SARDH: variants seen among roughly 807,000 people sequenced by gnomAD.
The protein encoded by SARDH is sarcosine dehydrogenase, mitochondrial.
Under a neutral mutation model 109.1 loss-of-function variants are expected in SARDH, and 95 were observed. The observed-to-expected ratio is 0.87, with a 90% CI of 0.74 to 1.03. The LOEUF (loss-of-function observed/expected upper bound fraction) is 1.03. Among genes scored for constraint, SARDH ranks in the 50% least tolerant of loss-of-function variants. The pLI, the probability that SARDH is intolerant of heterozygous loss-of-function variation, is 0.00. For missense variants in SARDH, 1,267 were observed against 1,287.8 expected (o/e 0.98, Z 0.25); for synonymous variants, 572 against 534.8 (o/e 1.07, Z -0.96).
intron 3 of SARDH, 107 bp downstream of exon 3, chr9:133,732,316 A>C: frequency 1.3e-5 from 7 of 559,780 alleles, no homozygotes; most frequent in Non-Finnish European, 1.4e-5. Context: ...CCTCACAGGG[A>C]GCCCACCCTA....
At chr9:133,726,486 C>G (rs1036088226) in intron 6 of SARDH, among the ~76,000 whole-genome samples, 3 of 152,038 alleles carry the variant, frequency 2.0e-5, no homozygotes, top group Non-Finnish European at 2.9e-5. Flanking sequence ...TAGAGCAGGA[C>G]AGTGGGGACA....
At chr9:133,717,611 C>G (rs1310142270) in intron 7 of SARDH, among the ~76,000 whole-genome samples, 156 bp from the exon 8 acceptor site, 3 of 152,082 alleles carry the variant, frequency 2.0e-5, no homozygotes, top group African/African-American at 4.8e-5. Flanking sequence ...CGTTTGTCTC[C>G]CCCACCCACC....
intron 6 of SARDH, among the ~76,000 whole-genome samples, chr9:133,722,637 C>T (rs572094522): frequency 7.2e-6 from 1 of 138,914 alleles, no homozygotes; most frequent in Non-Finnish European, 1.5e-5. Context: ...TAAAAAACTA[C>T]TAGCGCTCTC....
intron 19 of SARDH, among the ~76,000 whole-genome samples, chr9:133,668,316 C>CT (rs1281134341): frequency 5.6e-4 from 52 of 92,572 alleles, no homozygotes; most frequent in African/African-American, 1.8e-3. Context: ...TCCCTCTCCC[C>CT]CACCCTCCCT....
intron 1 of SARDH, among the ~76,000 whole-genome samples, chr9:133,735,078 C>G (rs553517084): frequency 1.2e-4 from 18 of 152,260 alleles, no homozygotes; most frequent in Admixed American, 9.8e-4. Context: ...ATCGTGGATG[C>G]TACAGCAGTG....
intron 6 of SARDH, among the ~76,000 whole-genome samples, chr9:133,721,010 A>G (rs959994612): frequency 6.6e-6 from 1 of 152,166 alleles, no homozygotes; most frequent in Non-Finnish European, 1.5e-5. Context: ...TCAGGAGTGG[A>G]AAAAAAATAA....
rs770565593 is a variant in SARDH, at chr9:133,734,103, C to T, written c.71G>A (p.Gly24Glu). Residue 24 changes from glycine to glutamate, a missense_variant, in exon 2 of 21, where the codon GGG becomes GAG. Gly to Glu is a moderately conservative substitution (Grantham distance 98, BLOSUM62 -2). Transcript: ENST00000439388. ...HPRQSPTRGM[G>E]PCNLSSAAGP... Reference sequence around the variant, plus strand: ...AGCTGCGCTGGACAGGTTGCATGGCCCCATGCCCCGGGTAGGGCTCTGGCG... The same window carrying T: ...AGCTGCGCTGGACAGGTTGCATGGCTCCATGCCCCGGGTAGGGCTCTGGCG... 10 of 1,612,364 alleles carry T rather than the reference C, an allele frequency of 6.2e-6. No homozygotes were observed. The highest frequency in any genetic ancestry group is 1.7e-4 in the Middle Eastern group (1 of 6,056).
intron 6 of SARDH, among the ~76,000 whole-genome samples, chr9:133,720,218 G>C (rs142102138): frequency 0.011 from 1,644 of 152,076 alleles, 18 homozygotes; most frequent in Non-Finnish European, 0.016. Context: ...CCTGAGGTCA[G>C]GAGTTCAAAA....
chr9:133,690,984 A>G, intron 15 of SARDH, among the ~76,000 whole-genome samples: 1 of 152,184 alleles, frequency 6.6e-6, no homozygotes, highest in Admixed American at 6.5e-5. Context: ...GAGACCTCTC[A>G]GGGCCCCAGG....
intron 16 of SARDH, among the ~76,000 whole-genome samples, chr9:133,689,421 G>A (rs1280674749): frequency 6.6e-6 from 1 of 151,960 alleles, no homozygotes; most frequent in East Asian, 1.9e-4. Flanking sequence ...GTGGGGGAGG[G>A]TCACCAATGG....
intron 16 of SARDH, among the ~76,000 whole-genome samples, chr9:133,688,134 GC>G (rs1830951251): frequency 1.3e-5 from 2 of 152,318 alleles, no homozygotes; most frequent in Non-Finnish European, 2.9e-5. Context: ...CAAGGACCAG[GC>G]CTTGACACCC....
intron 6 of SARDH, among the ~76,000 whole-genome samples, chr9:133,722,171 G>C (rs1335377805): frequency 6.6e-6 from 1 of 152,116 alleles, no homozygotes; most frequent in Non-Finnish European, 1.5e-5. Flanking sequence ...TTTATCCTAG[G>C]AAGGCAAGTT....
intron 15 of SARDH, among the ~76,000 whole-genome samples, chr9:133,691,750 G>A (rs1831105123): frequency 2.0e-5 from 3 of 152,276 alleles, no homozygotes; most frequent in African/African-American, 7.2e-5. Flanking sequence ...TTCAACACGC[G>A]CATATTTAAT....
At chr9:133,694,613 G>A (rs929347945) in intron 14 of SARDH, among the ~76,000 whole-genome samples, 5 of 152,224 alleles carry the variant, frequency 3.3e-5, no homozygotes, top group African/African-American at 1.2e-4. Flanking sequence ...ACCCTTGCGG[G>A]AAGGAAGCTT....
chr9:133,711,567 C>G (rs907998700), intron 10 of SARDH, among the ~76,000 whole-genome samples: 1 of 152,182 alleles, frequency 6.6e-6, no homozygotes, highest in African/African-American at 2.4e-5. Context: ...GGGGTGGCAG[C>G]TGGGGGGCCT....
In SARDH at chr9:133,703,215, G is replaced by A. The variant is rs1057090767; in HGVS notation, c.1555-186C>T. 1.1e-4 allele frequency: 64 copies of A among 597,976 alleles called. No homozygotes were observed. The African/African-American group carries it at 1.1e-3, about 11-fold the overall frequency. 37.0% of individuals were successfully genotyped at this position (597,976 alleles called of 1,614,324 possible). On this transcript the variant is annotated intron_variant, in intron 12 of 20. Transcript: ENST00000439388. ...CCCCATGAGGTCCAGGCAAAACAGA[G>A]GCACAAAGGAGGCCGCAGGGTTGCC...
downstream of SARDH, among the ~76,000 whole-genome samples, chr9:133,661,704 C>T (rs1200684907): frequency 6.6e-6 from 1 of 152,122 alleles, no homozygotes; most frequent in Non-Finnish European, 1.5e-5. Flanking sequence ...TGGTCTCAAA[C>T]TCCCAACCTC....
intron 1 of SARDH, among the ~76,000 whole-genome samples, 185 bp downstream of exon 1, chr9:133,738,069 G>A (rs1027720577): frequency 1.3e-5 from 2 of 152,188 alleles, no homozygotes; most frequent in Non-Finnish European, 2.9e-5. Context: ...CAGACTTGTG[G>A]GGAGGAGCGG....
chr9:133,665,927 G>A (rs1310438809), intron 20 of SARDH, among the ~76,000 whole-genome samples: 1 of 152,206 alleles, frequency 6.6e-6, no homozygotes, highest in Non-Finnish European at 1.5e-5. Context: ...ACGTCAGATC[G>A]GCTCCCATGG....
Sources: allele counts gnomAD v4.1 joint callset (sites outside exome capture counted in the v4.1 genomes callset), GRCh38; gene constraint gnomAD v4.1.1; transcripts MANE v1.5; gene names NCBI Gene and HGNC (gene_info 2026-07-23, HGNC 2026-07-21).